GSAP: variants seen among roughly 807,000 people sequenced by gnomAD.
GSAP encodes the protein gamma-secretase-activating protein.
GSAP carries 118 observed loss-of-function variants against 131.7 expected under a neutral mutation model. That is an observed-to-expected ratio of 0.90 (90% CI 0.77 to 1.04). The LOEUF (loss-of-function observed/expected upper bound fraction) is 1.04, where lower values mean the gene tolerates loss of function less well. Ranked by LOEUF, GSAP falls within the 50% of genes least tolerant of loss-of-function variation. The pLI, the probability that GSAP is intolerant of heterozygous loss-of-function variation, is 0.00. For synonymous variants in GSAP, 381 were observed against 363.4 expected (o/e 1.05, Z -0.55); for missense variants, 1,019 against 1,013.2 (o/e 1.01, Z -0.08).
intron 14 of GSAP, among the ~76,000 whole-genome samples, chr7:77,356,894 TTGACTTACAAG>T (rs2150885345): frequency 6.6e-6 from 1 of 152,328 alleles, no homozygotes; most frequent in Non-Finnish European, 1.5e-5. Context: ...CTCAAACCAG[TTGACTTACAAG>T]TGTCCTTTCA....
intron 12 of GSAP, among the ~76,000 whole-genome samples, chr7:77,363,872 C>T (rs1440051339): frequency 6.6e-6 from 1 of 152,100 alleles, no homozygotes; most frequent in East Asian, 1.9e-4. Flanking sequence ...ACTCATGACT[C>T]ACTGAGAATA....
intron 12 of GSAP, among the ~76,000 whole-genome samples, chr7:77,368,090 C>T (rs768261684): frequency 5.9e-5 from 9 of 152,088 alleles, no homozygotes; most frequent in Non-Finnish European, 8.8e-5. Flanking sequence ...GATCTTCTCT[C>T]GTCTTCTTAG....
chr7:77,317,497 G>A (rs952460853), intron 26 of GSAP, among the ~76,000 whole-genome samples: 1 of 152,102 alleles, frequency 6.6e-6, no homozygotes, highest in Non-Finnish European at 1.5e-5. Context: ...TGCACGTTGT[G>A]CACATGTACC....
intron 30 of GSAP, 70 bp from the exon 31 acceptor site, chr7:77,311,519 G>T: frequency 1.3e-6 from 1 of 745,504 alleles, no homozygotes; most frequent in East Asian, 2.5e-5. Flanking sequence ...ATAACTTTGT[G>T]CTCACAGCTC....
chr7:77,397,146 A>C, intron 4 of GSAP, 111 bp from the exon 5 acceptor site: 1 of 727,524 alleles, frequency 1.4e-6, no homozygotes, highest in Non-Finnish European at 2.3e-6. Flanking sequence ...TGTCAACGGA[A>C]GATAAGGGCA....
rs191982089 is a variant in GSAP at position 77,314,312 on chromosome 7, C to T, written c.2209+58G>A. On this transcript the variant is annotated intron_variant, in intron 27 of 30. Coordinates refer to ENST00000257626, the MANE Select transcript of GSAP (RefSeq NM_017439.4). ...CTGCACAGGTTGCACACCCAAGAAG[C>T]TAGCCTTGGTGGTGCTCAGGCTGGA... 1.3e-4 allele frequency: 213 copies of T among 1,601,278 alleles called. No individual in the cohort carries two copies. The African/African-American group carries it at 2.3e-3, about 17-fold the overall frequency.
chr7:77,330,365 C>T lies in GSAP; in HGVS notation c.1548G>A (p.Val516=), dbSNP rs749170301. The change falls in exon 20 of 31, where the codon GTG becomes GTA. Residue 516 remains valine, a splice_region_variant and synonymous_variant. Coordinates refer to ENST00000257626, the MANE Select transcript of GSAP (RefSeq NM_017439.4). ...TTTCCCAGTAGCCCTTAAAGCTGAG[C>T]ACCTGTAGGAGACAAAAACATCAGT... ...TEDIALPLMK[V]LSFKGYWEKL... 22 of 1,612,856 alleles carry T rather than the reference C, an allele frequency of 1.4e-5. No homozygotes were observed. The African/African-American group carries it at 2.9e-4, about 22-fold the overall frequency.
chr7:77,355,435 C>CAA lies in GSAP; in HGVS notation c.1121-7_1121-6dup, dbSNP rs35161141. On this transcript the variant is annotated splice_polypyrimidine_tract_variant and splice_region_variant and intron_variant, in intron 15 of 30. Transcript: ENST00000257626. ...TATCAATCATTTCATTATTTCCTGG[C>CAA]AAAAAAAAAAAAAACAGTAGATCAG... 7,697 of 1,330,078 alleles carry CAA rather than the reference C, an allele frequency of 5.8e-3. No individual in the cohort carries two copies. Among genetic ancestry groups the CAA allele is most frequent in the South Asian group, 0.019 (1,458 of 76,644 alleles). 82.4% of individuals were successfully genotyped at this position (1,330,078 alleles called of 1,614,324 possible). A position where few individuals can be genotyped will look rare whatever the true frequency, so the allele number is the denominator to read the frequency against.
intron 18 of GSAP, chr7:77,351,049 T>C (rs1792794256): frequency 1.8e-5 from 14 of 778,492 alleles, no homozygotes; most frequent in Non-Finnish European, 2.0e-5. Context: ...TTGATATTTG[T>C]CTATAATTTA....
intron 11 of GSAP, among the ~76,000 whole-genome samples, 163 bp downstream of exon 11, chr7:77,374,895 T>G (rs1348571752): frequency 6.6e-6 from 1 of 152,180 alleles, no homozygotes; most frequent in African/African-American, 2.4e-5. Flanking sequence ...GGTTCATGTT[T>G]GATAAAGTTG....
At chr7:77,405,454 G>A (rs923841349) in intron 2 of GSAP, among the ~76,000 whole-genome samples, 10 of 152,200 alleles carry the variant, frequency 6.6e-5, no homozygotes, top group African/African-American at 2.4e-4. Flanking sequence ...AAATGAAATT[G>A]TTCATTGATT....
chr7:77,408,733 A>G (rs1270083353), intron 1 of GSAP, among the ~76,000 whole-genome samples: 1 of 151,328 alleles, frequency 6.6e-6, no homozygotes, highest in Non-Finnish European at 1.5e-5. Flanking sequence ...AATTGCTTAA[A>G]TTTGACTCAT....
chr7:77,368,346 C>T (rs906926862), intron 12 of GSAP, among the ~76,000 whole-genome samples: 1 of 152,308 alleles, frequency 6.6e-6, no homozygotes, highest in African/African-American at 2.4e-5. Flanking sequence ...GAGTGGCTCA[C>T]ATTAGCTGCT....
chr7:77,328,391 A>G lies in GSAP; in HGVS notation c.1765+215T>C. 2.3e-6 allele frequency: 3 copies of G among 1,284,358 alleles called. No individual in the cohort carries two copies. The East Asian group carries it at 9.2e-5, about 39-fold the overall frequency. The allele number at this position is 1,284,358 out of a possible 1,614,324, so 79.6% of individuals were successfully genotyped here. On this transcript the variant is annotated intron_variant, in intron 22 of 30. Coordinates refer to ENST00000257626, the MANE Select transcript of GSAP (RefSeq NM_017439.4). ...GCCATCACCCAGGGACTCCCATCGC[A>G]AAAGCACATTCAGCAGCTGTCCCCG...
At chr7:77,365,911 T>TG (rs1433226637) in intron 12 of GSAP, among the ~76,000 whole-genome samples, 42 of 150,784 alleles carry the variant, frequency 2.8e-4, no homozygotes, top group African/African-American at 9.2e-4. Flanking sequence ...TTTTTTTTTT[T>TG]TTTTTTTTTT....
intron 26 of GSAP, chr7:77,316,020 TG>T (rs1202249603): frequency 6.6e-6 from 1 of 152,218 alleles, no homozygotes. Flanking sequence ...GAATGCTGAA[TG>T]ATAGAGATTT....
chr7:77,368,417 G>A (rs1387203376), intron 12 of GSAP, among the ~76,000 whole-genome samples: 1 of 152,138 alleles, frequency 6.6e-6, no homozygotes, highest in Non-Finnish European at 1.5e-5. Flanking sequence ...ATAGCCACAT[G>A]TGGCTATTGG....
At chr7:77,360,425 A>G (rs1485434867) in intron 14 of GSAP, among the ~76,000 whole-genome samples, 2 of 152,226 alleles carry the variant, frequency 1.3e-5, no homozygotes, top group Non-Finnish European at 2.9e-5. Context: ...CAGGAAATAG[A>G]CAATTTCCCA....
chr7:77,324,219 CA>C (rs1443198902), intron 23 of GSAP, among the ~76,000 whole-genome samples: 3 of 152,214 alleles, frequency 2.0e-5, no homozygotes, highest in Non-Finnish European at 4.4e-5. Context: ...TCCCTCTACA[CA>C]GTGGCCACAG....
Sources: gnomAD v4.1 joint callset for allele counts (sites outside exome capture counted in the v4.1 genomes callset) on GRCh38, gnomAD v4.1.1 for gene constraint, MANE v1.5 for transcripts, NCBI Gene and HGNC (gene_info 2026-07-23, HGNC 2026-07-21) for gene names.